ENTPD5: variants seen among roughly 807,000 people sequenced by gnomAD.
ENTPD5 encodes the protein ectonucleoside triphosphate diphosphohydrolase 5 (inactive).
In ENTPD5, 49 loss-of-function variants were observed where a neutral mutation model predicts 60.2. The ratio of observed to expected loss-of-function variants is 0.81; its 90% confidence interval spans 0.65 to 1.03. The LOEUF (loss-of-function observed/expected upper bound fraction) is 1.03, where lower values mean the gene tolerates loss of function less well. Among genes scored for constraint, ENTPD5 ranks in the 50% least tolerant of loss-of-function variants. ENTPD5 has a pLI of 0.00. For missense variants in ENTPD5, 480 were observed against 507.6 expected, an observed-to-expected ratio of 0.95 and a Z score of 0.52; for synonymous variants, 187 against 185.4, an observed-to-expected ratio of 1.01 and a Z score of -0.07.
intron 3 of ENTPD5, among the ~76,000 whole-genome samples, chr14:74,006,329 G>T (rs2058677923): frequency 6.7e-6 from 1 of 149,634 alleles, no homozygotes; most frequent in African/African-American, 2.5e-5. Flanking sequence ...TGCTGCCCAG[G>T]CAGGAGTGCA....
rs2057053571 is a variant in ENTPD5, at chr14:73,967,887, G to A, written c.1201-873C>T. Among the ~76,000 whole-genome samples, 4 of 152,066 alleles carry A rather than the reference G, an allele frequency of 2.6e-5. No individual in the cohort carries two copies. The South Asian group carries it at 8.3e-4, about 32-fold the overall frequency. ...TGCCTATAATTCTAGCACTTTGGGA[G>A]GCTGAGGCGGGTGGATCACCTGAGA... On this transcript the variant is annotated intron_variant, in intron 15 of 15. Coordinates refer to ENST00000334696, the MANE Select transcript of ENTPD5 (RefSeq NM_001249.5).
intron 3 of ENTPD5, among the ~76,000 whole-genome samples, chr14:74,008,697 G>A (rs914142071): frequency 6.6e-6 from 1 of 152,100 alleles, no homozygotes; most frequent in African/African-American, 2.4e-5. Context: ...GCCTGGCCTA[G>A]ACTTTTATTT....
intron 3 of ENTPD5, among the ~76,000 whole-genome samples, chr14:73,993,733 G>C (rs1191300728): frequency 6.6e-6 from 1 of 152,130 alleles, no homozygotes. Context: ...TGGCATTCTA[G>C]GCAGCAGCTT....
chr14:73,999,682 C>A (rs1192329507), intron 3 of ENTPD5, among the ~76,000 whole-genome samples: 1 of 151,538 alleles, frequency 6.6e-6, no homozygotes, highest in African/African-American at 2.4e-5. Context: ...ATCCCAGCTA[C>A]TCAGGAGGGT....
chr14:74,007,746 A>G (rs1594952122), intron 3 of ENTPD5: 1 of 149,900 alleles, frequency 6.7e-6, no homozygotes, highest in Non-Finnish European at 1.5e-5. Context: ...GCTTGAGCCC[A>G]GGAGTTTGAA....
downstream of ENTPD5, chr14:73,955,418 G>A: frequency 1.9e-6 from 3 of 1,589,268 alleles, no homozygotes; most frequent in South Asian, 1.1e-5. Flanking sequence ...TCCTTGTGAA[G>A]TCACTCTGGT....
chr14:73,959,637 G>A (rs1566690220), downstream of ENTPD5: 2 of 1,555,200 alleles, frequency 1.3e-6, no homozygotes. Context: ...GCGCGATCTT[G>A]GCTCACTGTG....
chr14:73,977,380 G>T lies in ENTPD5; in HGVS notation c.442-6C>A, dbSNP rs7152860. ...TTCCTGAAGATCTCCTTTACCTAGA[G>T]AAAAAGGAAAAAAAAAAAAAAAGAA... On this transcript the variant is annotated splice_region_variant and splice_polypyrimidine_tract_variant and intron_variant, in intron 6 of 15. Transcript: ENST00000334696. 6.6e-3 allele frequency: 7,122 copies of T among 1,083,222 alleles called. 291 individuals are homozygous for T. In the African/African-American group the frequency reaches 0.11, roughly 17 times the overall value. The allele number at this position is 1,083,222 out of a possible 1,614,324, so 67.1% of individuals were successfully genotyped here.
intron 1 of ENTPD5, among the ~76,000 whole-genome samples, chr14:74,016,238 C>T (rs192882065): frequency 1.0e-3 from 157 of 152,308 alleles, no homozygotes; most frequent in Admixed American, 2.7e-3. Context: ...CTATATCCAC[C>T]TCTACCAGAG....
At position 73,977,496 on chromosome 14, in the gene ENTPD5, CA is replaced by C. The variant is rs571167878; in HGVS notation, c.442-123del. ...CCATTTTTCCTAGATAAAATTTTGG[CA>C]AAACTCATTCCTTTGCCCTAAGAAA... is the stretch of plus-strand genomic sequence containing the variant. On this transcript the variant is annotated intron_variant, in intron 6 of 15. Coordinates refer to ENST00000334696, the MANE Select transcript of ENTPD5 (RefSeq NM_001249.5). 3.2e-4 allele frequency: 222 copies of C among 684,564 alleles called. 1 individual carries two copies. In the African/African-American group the frequency reaches 3.7e-3, roughly 12 times the overall value. 42.4% of individuals were successfully genotyped at this position (684,564 alleles called of 1,614,324 possible).
chr14:74,017,084 C>T (rs1290623658), intron 1 of ENTPD5, among the ~76,000 whole-genome samples: 3 of 152,180 alleles, frequency 2.0e-5, no homozygotes, highest in Admixed American at 1.3e-4. Flanking sequence ...TTTGGTAGGC[C>T]GAGGCGGGCG....
chr14:73,960,219 G>A (rs2056650572), downstream of ENTPD5: 5 of 987,474 alleles, frequency 5.1e-6, no homozygotes, highest in Non-Finnish European at 6.0e-6. Context: ...AGTAAGCTTA[G>A]TAGATAGATG....
At chr14:73,958,898 G>A, downstream of ENTPD5, 1 of 1,590,990 alleles carries the variant, frequency 6.3e-7, no homozygotes, top group African/African-American at 1.3e-5. Context: ...GGAAACTTTA[G>A]GGAGCAGAGA....
chr14:73,973,599 T>C (rs1327999912), intron 12 of ENTPD5, among the ~76,000 whole-genome samples: 2 of 152,174 alleles, frequency 1.3e-5, no homozygotes, highest in East Asian at 3.9e-4. Flanking sequence ...AGTGATCCTC[T>C]TGCCTCAACC....
intron 5 of ENTPD5, 167 bp downstream of exon 5, chr14:73,986,647 C>G: frequency 3.3e-6 from 2 of 613,950 alleles, no homozygotes; most frequent in Non-Finnish European, 5.8e-6. Context: ...CCCTCATGAG[C>G]GTGGGAAATG....
At position 73,984,709 on chromosome 14, in the gene ENTPD5, A is replaced by T. The variant is rs10141634; in HGVS notation, c.298-1548T>A. On this transcript the variant is annotated intron_variant, in intron 5 of 15. Transcript: ENST00000334696. ...TTTAATTATTTATTTTTAATTAATT[A>T]ATTTATTTATTTACTATTCAAATAT... Among the ~76,000 whole-genome samples, 93 of 151,444 alleles carry T rather than the reference A, an allele frequency of 6.1e-4. 1 individual carries two copies. The highest frequency in any genetic ancestry group is 2.1e-3 in the South Asian group (10 of 4,824).
chr14:73,965,816 T>C lies in ENTPD5; in HGVS notation c.*1112A>G, dbSNP rs2056952187. 6.6e-6 allele frequency: 1 copy of C among 152,206 alleles called. No homozygotes were observed. The highest frequency in any genetic ancestry group is 2.4e-5 in the African/African-American group (1 of 41,440). 9.4% of individuals were successfully genotyped at this position (152,206 alleles called of 1,614,324 possible). ...AAAAGAGAGCATGAGGGACATTAAATATGGTTCTCCCTGGAAATGTTGGTC... is the reference window on the plus strand; with the variant it reads ...AAAAGAGAGCATGAGGGACATTAAACATGGTTCTCCCTGGAAATGTTGGTC... On this transcript the variant is annotated 3_prime_UTR_variant, in exon 16 of 16. Transcript: ENST00000334696.
intron 2 of ENTPD5, among the ~76,000 whole-genome samples, chr14:74,015,063 A>C (rs2058972985): frequency 6.8e-6 from 1 of 147,248 alleles, no homozygotes; most frequent in African/African-American, 2.5e-5. Flanking sequence ...CCTGGGCGAC[A>C]GAGCAAGACT....
At chr14:74,017,525 C>A (rs1178422230) in intron 1 of ENTPD5, among the ~76,000 whole-genome samples, 1 of 150,908 alleles carries the variant, frequency 6.6e-6, no homozygotes, top group East Asian at 2.0e-4. Context: ...TTGCGGTGAG[C>A]CGAGATCGTG....
Sources: gnomAD v4.1 joint callset for allele counts (sites outside exome capture counted in the v4.1 genomes callset) on GRCh38, gnomAD v4.1.1 for gene constraint, MANE v1.5 for transcripts, NCBI Gene and HGNC (gene_info 2026-07-23, HGNC 2026-07-21) for gene names.